The following DGKI variants were observed in gnomAD, a reference collection of about 807,000 sequenced individuals.
The protein encoded by DGKI is DAG kinase iota.
A neutral mutation model predicts 147.5 loss-of-function variants in DGKI; 55 were observed. The observed-to-expected ratio is 0.37, with a 90% CI of 0.30 to 0.47. DGKI has a LOEUF of 0.47. Ranked by LOEUF, DGKI falls within the 20% of genes least tolerant of loss-of-function variation. The pLI is 1.00. For synonymous variants in DGKI, 469 were observed against 477.1 expected (o/e 0.98, Z 0.22); for missense variants, 1,007 against 1,323.8 (o/e 0.76, Z 3.71).
chr7:137,515,267 A>C (rs1816710798), intron 21 of DGKI, among the ~76,000 whole-genome samples: 1 of 152,170 alleles, frequency 6.6e-6, no homozygotes, highest in African/African-American at 2.4e-5. Context: ...ACTTTCCTTT[A>C]TAGCACTTGC....
At chr7:137,739,639 A>G (rs1795121544) in intron 1 of DGKI, among the ~76,000 whole-genome samples, 1 of 152,196 alleles carries the variant, frequency 6.6e-6, no homozygotes, top group Non-Finnish European at 1.5e-5. Context: ...TTTGCCCTGC[A>G]CACAACATAG....
chr7:137,658,056 G>A (rs185018304), intron 3 of DGKI, among the ~76,000 whole-genome samples: 20 of 152,292 alleles, frequency 1.3e-4, no homozygotes, highest in Non-Finnish European at 2.8e-4. Flanking sequence ...AGAACATGGT[G>A]TAGCACATGA....
At chr7:137,464,661 A>ACATGATG (rs1563034507) in intron 26 of DGKI, among the ~76,000 whole-genome samples, 4 of 152,316 alleles carry the variant, frequency 2.6e-5, no homozygotes, top group African/African-American at 9.6e-5. Flanking sequence ...CTTGGTACAT[A>ACATGATG]TTGGACATCA....
intron 7 of DGKI, among the ~76,000 whole-genome samples, chr7:137,621,433 T>C (rs562486754): frequency 6.6e-6 from 1 of 152,306 alleles, no homozygotes; most frequent in Admixed American, 6.5e-5. Context: ...TTTTAAATGA[T>C]GGAATCAAAA....
intron 6 of DGKI, among the ~76,000 whole-genome samples, chr7:137,643,682 G>T (rs1318481181): frequency 6.6e-6 from 1 of 152,218 alleles, no homozygotes; most frequent in African/African-American, 2.4e-5. Flanking sequence ...GAGAACACTG[G>T]CAGGAAAGGA....
At chr7:137,525,268 T>C (rs834093) in intron 20 of DGKI, among the ~76,000 whole-genome samples, 19,768 of 152,146 alleles carry the variant, frequency 0.13, 2,600 homozygotes, top group African/African-American at 0.33. Flanking sequence ...CTCTTGCTCT[T>C]AGCTCCCATC....
intron 3 of DGKI, among the ~76,000 whole-genome samples, chr7:137,675,683 C>CAAAAAA (rs61282606): frequency 9.3e-6 from 1 of 107,706 alleles, no homozygotes; most frequent in Non-Finnish European, 2.0e-5. Context: ...AGACTACATC[C>CAAAAAA]AAAAAAAAAA....
intron 1 of DGKI, among the ~76,000 whole-genome samples, chr7:137,705,658 T>C (rs1314929927): frequency 6.6e-6 from 1 of 152,108 alleles, no homozygotes; most frequent in Middle Eastern, 3.2e-3. Flanking sequence ...ATTATACAAC[T>C]GTACACATTT....
intron 1 of DGKI, among the ~76,000 whole-genome samples, chr7:137,750,474 A>G (rs1795463650): frequency 6.6e-6 from 1 of 152,202 alleles, no homozygotes; most frequent in Non-Finnish European, 1.5e-5. Context: ...TAAATACTTG[A>G]ATAAATGAAC....
intron 30 of DGKI, among the ~76,000 whole-genome samples, chr7:137,405,679 C>T (rs10224080): frequency 0.17 from 26,154 of 152,088 alleles, 2,346 homozygotes; most frequent in Non-Finnish European, 0.2. Context: ...TAGAGATCAT[C>T]CAGAACTTCC....
Position 137,784,515 on chromosome 7 carries a change from T to C in DGKI, c.401+61947A>G, listed in dbSNP as rs534804860. Among the ~76,000 whole-genome samples, 3 of 152,062 alleles carry C rather than the reference T, an allele frequency of 2.0e-5. No individual in the cohort carries two copies. In the South Asian group the frequency reaches 6.2e-4, roughly 32 times the overall value. ...CTAAGAAATGAGATAGATGGCAATA[T>C]AATAATAGTGGGGGACTTTAATACT... On this transcript the variant is annotated intron_variant, in intron 1 of 32. Coordinates refer to ENST00000614521, the MANE Select transcript of DGKI (RefSeq NM_001321708.2).
intron 30 of DGKI, among the ~76,000 whole-genome samples, chr7:137,397,798 G>A (rs770010116): frequency 8.5e-5 from 13 of 152,128 alleles, no homozygotes; most frequent in South Asian, 2.1e-4. Context: ...TTGGGATGGC[G>A]TCTTATGAAG....
intron 27 of DGKI, among the ~76,000 whole-genome samples, chr7:137,457,451 T>C (rs1814248332): frequency 6.6e-6 from 1 of 152,206 alleles, no homozygotes; most frequent in Non-Finnish European, 1.5e-5. Flanking sequence ...CATAACCTAA[T>C]GTTCCCAGAA....
intron 6 of DGKI, among the ~76,000 whole-genome samples, chr7:137,640,008 T>G (rs920279389): frequency 1.4e-5 from 2 of 142,174 alleles, no homozygotes; most frequent in South Asian, 2.1e-4. Context: ...ATTATTAGGT[T>G]TTTTTTTTTT....
chr7:137,796,722 G>A (rs1797044391), intron 1 of DGKI, among the ~76,000 whole-genome samples: 1 of 151,990 alleles, frequency 6.6e-6, no homozygotes. Flanking sequence ...ACAGAAGAAA[G>A]AATTAACAAA....
chr7:137,430,126 T>C (rs1047746977), intron 28 of DGKI, among the ~76,000 whole-genome samples: 2 of 133,158 alleles, frequency 1.5e-5, no homozygotes, highest in African/African-American at 5.6e-5. Flanking sequence ...GTGGCACTAT[T>C]CACAATAGCA....
chr7:137,636,339 C>G lies in DGKI; in HGVS notation c.804+9133G>C, dbSNP rs77875470. Among the ~76,000 whole-genome samples the G allele has an allele frequency of 8.9e-3, 1,359 of 152,234 alleles. 14 individuals carry two copies. Among genetic ancestry groups the G allele is most frequent in the South Asian group, 0.033 (160 of 4,808 alleles). On this transcript the variant is annotated intron_variant, in intron 6 of 32. Transcript: ENST00000614521. ...ATGAATATCAGTAGCAGATGTAAGACCAGCTGCAACCATGGGGGCTATAGT... is the reference window on the plus strand; with the variant it reads ...ATGAATATCAGTAGCAGATGTAAGAGCAGCTGCAACCATGGGGGCTATAGT...
At chr7:137,800,595 C>A (rs1797173650) in intron 1 of DGKI, among the ~76,000 whole-genome samples, 1 of 152,202 alleles carries the variant, frequency 6.6e-6, no homozygotes, top group Non-Finnish European at 1.5e-5. Context: ...GCCCATTAAA[C>A]ATCTTTTTTT....
chr7:137,505,571 A>G (rs1816338067), intron 21 of DGKI, among the ~76,000 whole-genome samples: 3 of 152,194 alleles, frequency 2.0e-5, no homozygotes, highest in African/African-American at 2.4e-5. Flanking sequence ...ATAATGTTCA[A>G]TGCTGGCAAG....
Sources: gnomAD v4.1 joint callset for allele counts (sites outside exome capture counted in the v4.1 genomes callset) on GRCh38, gnomAD v4.1.1 for gene constraint, MANE v1.5 for transcripts, NCBI Gene and HGNC (gene_info 2026-07-23, HGNC 2026-07-21) for gene names.